The following RALGPS2 variants were observed in gnomAD, a reference collection of about 807,000 sequenced individuals.
The protein encoded by RALGPS2 is Ral GEF with PH domain and SH3 binding motif 2.
RALGPS2 carries 43 observed loss-of-function variants against 86.8 expected under a neutral mutation model. The ratio of observed to expected loss-of-function variants is 0.50; its 90% CI spans 0.39 to 0.64. The LOEUF is 0.64. Ranked by LOEUF, RALGPS2 falls within the 30% of genes least tolerant of loss-of-function variation. RALGPS2 has a pLI of 0.00. For missense variants in RALGPS2, 536 were observed against 694.6 expected, an observed-to-expected ratio of 0.77 and a Z score of 2.57; for synonymous variants, 243 against 231.3, an observed-to-expected ratio of 1.05 and a Z score of -0.46.
chr1:178,751,394 G>T (rs1651649604), intron 1 of RALGPS2, among the ~76,000 whole-genome samples: 1 of 152,138 alleles, frequency 6.6e-6, no homozygotes, highest in South Asian at 2.1e-4. Flanking sequence ...TCTAGCAAAT[G>T]AAACAAATAG....
At chr1:178,817,363 AAAAAAAAAG>A (rs1655283033) in intron 6 of RALGPS2, among the ~76,000 whole-genome samples, 1 of 151,386 alleles carries the variant, frequency 6.6e-6, no homozygotes, top group South Asian at 2.1e-4. Context: ...AAAAAAAAAA[AAAAAAAAAG>A]AATATCTAAT....
chr1:178,740,046 A>G (rs1371645445), intron 1 of RALGPS2, among the ~76,000 whole-genome samples: 3 of 152,246 alleles, frequency 2.0e-5, no homozygotes, highest in African/African-American at 7.2e-5. Context: ...TGAATGGAGT[A>G]TGGCAACCTT....
intron 8 of RALGPS2, among the ~76,000 whole-genome samples, chr1:178,851,989 G>A (rs896495255): frequency 6.6e-6 from 1 of 152,100 alleles, no homozygotes; most frequent in Non-Finnish European, 1.5e-5. Context: ...GGATGGTCTA[G>A]TTGTTTCTTT....
chr1:178,735,598 A>AT lies in RALGPS2; in HGVS notation c.-84+10181dup, dbSNP rs1250223641. 4.4e-3 allele frequency among the ~76,000 whole-genome samples: 254 copies of AT among 57,450 alleles called. 3 individuals carry two copies. Among genetic ancestry groups the AT allele is most frequent in the African/African-American group, 0.016 (192 of 11,690 alleles). The allele number at this position is 57,450 out of a possible 152,430, so 37.7% of individuals were successfully genotyped here. A position where few individuals can be genotyped will look rare whatever the true frequency, so the allele number is the denominator to read the frequency against. On this transcript the variant is annotated intron_variant, in intron 1 of 19. Transcript: ENST00000367635. ...GCCACCATGCCCAGCTAATTTTTGT[A>AT]TTCTTTTTTTTTTTTTTTTTTTTTA...
chr1:178,900,108 T>G (rs1473819170), intron 17 of RALGPS2, among the ~76,000 whole-genome samples: 1 of 151,928 alleles, frequency 6.6e-6, no homozygotes, highest in Non-Finnish European at 1.5e-5. Flanking sequence ...AAATGTAGAT[T>G]AAGGATATAT....
intron 15 of RALGPS2, 35 bp from the exon 16 acceptor site, chr1:178,893,884 A>G (rs1295526849): frequency 1.4e-6 from 2 of 1,398,504 alleles, no homozygotes; most frequent in Non-Finnish European, 1.0e-6. Context: ...ATTGTAGACA[A>G]AAGCTCTTAT....
chr1:178,901,411 A>G (rs183240834), intron 17 of RALGPS2, among the ~76,000 whole-genome samples: 2 of 152,092 alleles, frequency 1.3e-5, no homozygotes, highest in African/African-American at 2.4e-5. Context: ...TTTGATTTTT[A>G]AACAATACCT....
At chr1:178,905,267 A>G (rs1660343591) in intron 18 of RALGPS2, among the ~76,000 whole-genome samples, 1 of 152,318 alleles carries the variant, frequency 6.6e-6, no homozygotes, top group South Asian at 2.1e-4. Context: ...AGATGAGAGC[A>G]TTTTCATTGG....
intron 4 of RALGPS2, among the ~76,000 whole-genome samples, chr1:178,798,674 T>C (rs1654318626): frequency 6.6e-6 from 1 of 152,182 alleles, no homozygotes; most frequent in Non-Finnish European, 1.5e-5. Flanking sequence ...GTCATCACTT[T>C]TCATACACCA....
chr1:178,725,535 C>A, intron 1 of RALGPS2, 116 bp downstream of exon 1: 1 of 152,722 alleles, frequency 6.5e-6, no homozygotes, highest in South Asian at 2.0e-4. Context: ...GTGTGGCTCT[C>A]CCGGCCGCGG....
chr1:178,768,371 T>A (rs73037771), intron 1 of RALGPS2, among the ~76,000 whole-genome samples: 4 of 152,348 alleles, frequency 2.6e-5, no homozygotes, highest in African/African-American at 9.6e-5. Flanking sequence ...TCTGTGATAT[T>A]ATTTTTTCCT....
chr1:178,892,448 C>A, intron 15 of RALGPS2, 141 bp downstream of exon 15: 1 of 682,668 alleles, frequency 1.5e-6, no homozygotes, highest in Non-Finnish European at 2.5e-6. Flanking sequence ...GAAAAACTTT[C>A]TTTCCAAGAT....
chr1:178,861,356 G>T (rs190617845), intron 8 of RALGPS2, among the ~76,000 whole-genome samples: 2 of 152,034 alleles, frequency 1.3e-5, no homozygotes, highest in Non-Finnish European at 2.9e-5. Context: ...ACTGGGGATA[G>T]GTACACCATG....
intron 1 of RALGPS2, among the ~76,000 whole-genome samples, chr1:178,763,612 T>C (rs775571818): frequency 2.0e-4 from 31 of 152,354 alleles, no homozygotes; most frequent in South Asian, 1.9e-3. Context: ...GCGGCTATGG[T>C]GAATGGGATT....
intron 1 of RALGPS2, among the ~76,000 whole-genome samples, chr1:178,762,408 T>G (rs1400747659): frequency 6.6e-6 from 1 of 152,204 alleles, no homozygotes. Context: ...AGTTCTGCTT[T>G]GGGATCTCTG....
At chr1:178,732,212 A>T (rs2102004350) in intron 1 of RALGPS2, among the ~76,000 whole-genome samples, 2 of 152,348 alleles carry the variant, frequency 1.3e-5, no homozygotes, top group East Asian at 3.9e-4. Flanking sequence ...AAAAGTGAAT[A>T]GAAGAGGGAG....
chr1:178,799,477 G>A lies in RALGPS2; in HGVS notation c.214-8568G>A, dbSNP rs73037788. The stretch of plus-strand genomic sequence containing the variant: ...TAACTCTACTGTTTTGTGCAATTGC[G>A]GTTGGGTTTATGATCAGGACTGCCC... On this transcript the variant is annotated intron_variant, in intron 4 of 19. Coordinates refer to ENST00000367635, the MANE Select transcript of RALGPS2 (RefSeq NM_152663.5). Among the ~76,000 whole-genome samples the A allele has an allele frequency of 9.9e-3, 1,512 of 152,222 alleles. 23 individuals carry two copies. Among genetic ancestry groups the A allele is most frequent in the African/African-American group, 0.035 (1,440 of 41,540 alleles).
chr1:178,865,660 G>A lies in RALGPS2; in HGVS notation c.608-11838G>A, dbSNP rs780706960. The A allele has an allele frequency of 2.5e-6, 4 of 1,613,942 alleles. No homozygotes were observed. The Admixed American group carries it at 6.7e-5, about 27-fold the overall frequency. On this transcript the variant is annotated intron_variant, in intron 8 of 19. Transcript: ENST00000367635. ...TCTTTGCTTCCTCTTTACCATCTGTGGCACGAGGGTATCTTCTCTGGTTTA... is the reference window on the plus strand; with the variant it reads ...TCTTTGCTTCCTCTTTACCATCTGTAGCACGAGGGTATCTTCTCTGGTTTA...
Position 178,807,996 on chromosome 1 carries a change from A to G in RALGPS2, c.214-49A>G, listed in dbSNP as rs900464663. On this transcript the variant is annotated intron_variant, in intron 4 of 19. Transcript: ENST00000367635. ...TGTTTTGAAAGCCTTAATCTGGCAGAAAAAAACTAGGCTATTACTTAAATT... is the reference window on the plus strand; with the variant it reads ...TGTTTTGAAAGCCTTAATCTGGCAGGAAAAAACTAGGCTATTACTTAAATT... The G allele has an allele frequency of 7.4e-6, 9 of 1,224,452 alleles. No homozygotes were observed. In the South Asian group the frequency reaches 8.6e-5, roughly 12 times the overall value. 75.8% of individuals were successfully genotyped at this position (1,224,452 alleles called of 1,614,324 possible). A position where few individuals can be genotyped will look rare whatever the true frequency, so the allele number is the denominator to read the frequency against.
Sources: allele counts gnomAD v4.1 joint callset (sites outside exome capture counted in the v4.1 genomes callset), GRCh38; gene constraint gnomAD v4.1.1; transcripts MANE v1.5; gene names NCBI Gene and HGNC (gene_info 2026-07-23, HGNC 2026-07-21).